The following EXOC6B variants were observed in gnomAD, a reference collection of about 807,000 sequenced individuals.
EXOC6B encodes the protein exocyst complex component 6B, also known as SEC15 homolog B.
In EXOC6B, 54 loss-of-function variants were observed where a neutral mutation model predicts 113.5. The ratio of observed to expected loss-of-function variants is 0.48; its 90% CI spans 0.38 to 0.60. The LOEUF (loss-of-function observed/expected upper bound fraction) is 0.60. Among genes scored for constraint, EXOC6B ranks in the 20% least tolerant of loss-of-function variants. The pLI, the probability that EXOC6B is intolerant of heterozygous loss-of-function variation, is 0.00. For synonymous variants in EXOC6B, 357 were observed against 339.0 expected (o/e 1.05, Z -0.58); for missense variants, 797 against 977.5 (o/e 0.82, Z 2.46).
chr2:72,289,431 T>G (rs920454509), intron 20 of EXOC6B, among the ~76,000 whole-genome samples: 2 of 152,174 alleles, frequency 1.3e-5, no homozygotes, highest in Non-Finnish European at 2.9e-5. Context: ...TGAATACAGA[T>G]TAAGTCATGA....
chr2:72,786,999 G>GA (rs1025067616), intron 1 of EXOC6B, among the ~76,000 whole-genome samples: 2 of 151,880 alleles, frequency 1.3e-5, no homozygotes, highest in Admixed American at 6.6e-5. Context: ...TAGGAACTAA[G>GA]AAAAAACAAA....
intron 1 of EXOC6B, among the ~76,000 whole-genome samples, chr2:72,798,158 A>G (rs1685073512): frequency 1.3e-5 from 2 of 152,192 alleles, no homozygotes; most frequent in South Asian, 4.1e-4. Context: ...TATAAACCAA[A>G]TAAATAAGAA....
chr2:72,290,622 A>T (rs1685720171), intron 20 of EXOC6B, among the ~76,000 whole-genome samples: 1 of 152,010 alleles, frequency 6.6e-6, no homozygotes, highest in Non-Finnish European at 1.5e-5. Flanking sequence ...TGAGACTATT[A>T]TTTTTAGAGA....
At chr2:72,480,429 A>T (rs1699012536) in intron 17 of EXOC6B, among the ~76,000 whole-genome samples, 187 bp downstream of exon 17, 1 of 152,186 alleles carries the variant, frequency 6.6e-6, no homozygotes, top group Non-Finnish European at 1.5e-5. Flanking sequence ...TTTTGTTTAA[A>T]CACCCAAAAA....
chr2:72,491,294 T>G lies in EXOC6B; in HGVS notation c.1665+1024A>C, dbSNP rs560464184. Among the ~76,000 whole-genome samples, 13 of 152,274 alleles carry G rather than the reference T, an allele frequency of 8.5e-5. No homozygotes were observed. In the South Asian group the frequency reaches 1.2e-3, roughly 15 times the overall value. Reference sequence around the variant, plus strand: ...ACTTCCAATGTCCCATCTTATTTTTTTTTTATCTTAATTCAGAGAAAGAGA... The same window carrying G: ...ACTTCCAATGTCCCATCTTATTTTTGTTTTATCTTAATTCAGAGAAAGAGA... On this transcript the variant is annotated intron_variant, in intron 16 of 21. Transcript: ENST00000272427.
At chr2:72,536,402 A>G (rs1702293185) in intron 8 of EXOC6B, among the ~76,000 whole-genome samples, 1 of 152,158 alleles carries the variant, frequency 6.6e-6, no homozygotes, top group Admixed American at 6.5e-5. Context: ...ATATTACCAT[A>G]TTTGAATATT....
chr2:72,609,868 G>A (rs1670969973), intron 6 of EXOC6B, among the ~76,000 whole-genome samples: 1 of 152,004 alleles, frequency 6.6e-6, no homozygotes, highest in African/African-American at 2.4e-5. Flanking sequence ...ATTAAGAACA[G>A]CAAGAAAAAT....
chr2:72,324,995 G>T (rs1035079291), intron 20 of EXOC6B, among the ~76,000 whole-genome samples: 2 of 152,044 alleles, frequency 1.3e-5, no homozygotes, highest in African/African-American at 4.8e-5. Context: ...TATATAACTA[G>T]TCATCAGAGC....
chr2:72,436,037 G>A (rs771139136), intron 18 of EXOC6B, among the ~76,000 whole-genome samples: 9 of 152,124 alleles, frequency 5.9e-5, no homozygotes, highest in Non-Finnish European at 1.3e-4. Context: ...GGCTGATACC[G>A]CTTTTTCCTT....
chr2:72,460,959 A>G (rs1404162330), intron 18 of EXOC6B, among the ~76,000 whole-genome samples: 2 of 151,624 alleles, frequency 1.3e-5, no homozygotes, highest in Non-Finnish European at 2.9e-5. Flanking sequence ...GAACCAACCC[A>G]AATGTCCAAC....
chr2:72,651,500 G>A (rs760882697), intron 6 of EXOC6B, among the ~76,000 whole-genome samples: 1 of 152,160 alleles, frequency 6.6e-6, no homozygotes, highest in Non-Finnish European at 1.5e-5. Context: ...AGTAAAAGAT[G>A]TTATTAGGTT....
chr2:72,644,126 T>C (rs774052975), intron 6 of EXOC6B, among the ~76,000 whole-genome samples: 1 of 152,116 alleles, frequency 6.6e-6, no homozygotes, highest in Non-Finnish European at 1.5e-5. Context: ...CTGAAAACCA[T>C]GGCACGAGAA....
intron 16 of EXOC6B, among the ~76,000 whole-genome samples, chr2:72,481,223 G>C (rs1699071295): frequency 6.6e-6 from 1 of 152,184 alleles, no homozygotes; most frequent in South Asian, 2.1e-4. Context: ...TGAACTGTGA[G>C]TAAATTAAAC....
At chr2:72,472,354 A>C (rs1698464674) in intron 17 of EXOC6B, among the ~76,000 whole-genome samples, 1 of 152,006 alleles carries the variant, frequency 6.6e-6, no homozygotes, top group Non-Finnish European at 1.5e-5. Context: ...TTCTTTGTTC[A>C]GATACTATTT....
chr2:72,655,999 TC>T (rs575187719), intron 6 of EXOC6B, among the ~76,000 whole-genome samples: 2 of 152,130 alleles, frequency 1.3e-5, no homozygotes, highest in Non-Finnish European at 2.9e-5. Context: ...AGAATGTAAT[TC>T]CTTTGAAGGT....
intron 1 of EXOC6B, among the ~76,000 whole-genome samples, chr2:72,747,269 G>A (rs1681762757): frequency 6.6e-6 from 1 of 151,986 alleles, no homozygotes; most frequent in African/African-American, 2.4e-5. Flanking sequence ...ATATATGGTG[G>A]TCAGTGACAC....
At chr2:72,765,578 C>T (rs1200704383) in intron 1 of EXOC6B, among the ~76,000 whole-genome samples, 6 of 152,138 alleles carry the variant, frequency 3.9e-5, no homozygotes, top group East Asian at 1.9e-4. Flanking sequence ...GAGGCTGAGG[C>T]GGGAGAATCA....
At chr2:72,311,124 C>T (rs1161336446) in intron 20 of EXOC6B, among the ~76,000 whole-genome samples, 1 of 152,164 alleles carries the variant, frequency 6.6e-6, no homozygotes, top group African/African-American at 2.4e-5. Context: ...TATTAATGTT[C>T]TATTGCTTCC....
intron 7 of EXOC6B, among the ~76,000 whole-genome samples, chr2:72,567,835 G>A (rs532890157): frequency 1.3e-5 from 2 of 151,978 alleles, no homozygotes; most frequent in African/African-American, 4.8e-5. Context: ...CAAAAAATAA[G>A]GGGAGAAAAG....
Sources: allele counts gnomAD v4.1 joint callset (sites outside exome capture counted in the v4.1 genomes callset), GRCh38; gene constraint gnomAD v4.1.1; transcripts MANE v1.5; gene names NCBI Gene and HGNC (gene_info 2026-07-23, HGNC 2026-07-21).